MACROD2: variants seen among roughly 807,000 people sequenced by gnomAD.
MACROD2 encodes the protein mono-ADP ribosylhydrolase 2.
Under a neutral mutation model 70.4 loss-of-function variants are expected in MACROD2, and 36 were observed. The ratio of observed to expected loss-of-function variants is 0.51; its 90% CI spans 0.39 to 0.68. MACROD2 has a LOEUF of 0.68. Ranked by LOEUF, MACROD2 falls within the 30% of genes least tolerant of loss-of-function variation. MACROD2 has a pLI of 0.00. For missense variants in MACROD2, 496 were observed against 538.4 expected (o/e 0.92, Z 0.78); for synonymous variants, 172 against 178.8 (o/e 0.96, Z 0.30).
At chr20:14,694,031 C>T (rs2071092242) in intron 5 of MACROD2, among the ~76,000 whole-genome samples, 1 of 152,150 alleles carries the variant, frequency 6.6e-6, no homozygotes, top group African/African-American at 2.4e-5. Flanking sequence ...CAGCAGGCCC[C>T]TTGTCCTCTA....
In MACROD2 at chr20:15,260,506, A is replaced by G. The variant is rs2077239834; in HGVS notation, c.540+30445A>G. On this transcript the variant is annotated intron_variant, in intron 6 of 17. Transcript: ENST00000684519. ...TAATAGTATTCTGTTGTGTGTATGT[A>G]CCATTTTTCTTTATTCAACTGTTAA... Among the ~76,000 whole-genome samples the G allele has an allele frequency of 2.6e-5, 4 of 152,034 alleles. No individual in the cohort carries two copies. The South Asian group carries it at 8.3e-4, about 32-fold the overall frequency.
At chr20:15,040,132 G>T (rs184957338) in intron 5 of MACROD2, among the ~76,000 whole-genome samples, 1 of 151,926 alleles carries the variant, frequency 6.6e-6, no homozygotes, top group East Asian at 1.9e-4. Context: ...TGGCTAACAC[G>T]GTGACACCCT....
intron 3 of MACROD2, among the ~76,000 whole-genome samples, chr20:14,105,960 A>G (rs1393597707): frequency 6.6e-6 from 1 of 152,168 alleles, no homozygotes; most frequent in Admixed American, 6.5e-5. Context: ...GCCCTGAATA[A>G]CCAACAGTGA....
intron 8 of MACROD2, among the ~76,000 whole-genome samples, chr20:15,838,990 A>G (rs549680957): frequency 1.2e-4 from 18 of 152,130 alleles, no homozygotes; most frequent in Non-Finnish European, 2.5e-4. Flanking sequence ...GTGCTTATAT[A>G]TGGATATGAC....
chr20:15,534,833 C>T (rs181586021), intron 8 of MACROD2, among the ~76,000 whole-genome samples: 1 of 152,258 alleles, frequency 6.6e-6, no homozygotes, highest in African/African-American at 2.4e-5. Flanking sequence ...CTTTAAGCAT[C>T]TTGCCAACTC....
chr20:15,505,230 A>G (rs971911596), intron 8 of MACROD2, among the ~76,000 whole-genome samples: 1 of 152,196 alleles, frequency 6.6e-6, no homozygotes, highest in African/African-American at 2.4e-5. Context: ...ACCCCAAGGG[A>G]GCAAGCATCC....
intron 6 of MACROD2, among the ~76,000 whole-genome samples, chr20:15,384,464 A>G (rs893080513): frequency 6.6e-6 from 1 of 152,080 alleles, no homozygotes; most frequent in Admixed American, 6.6e-5. Context: ...GGGTCTCACC[A>G]TGTTGCCCAG....
chr20:14,442,325 A>G (rs2084133178), intron 3 of MACROD2, among the ~76,000 whole-genome samples: 1 of 152,068 alleles, frequency 6.6e-6, no homozygotes, highest in Non-Finnish European at 1.5e-5. Flanking sequence ...AATTGGAAAT[A>G]TATATACATT....
At chr20:15,990,752 C>T (rs1172883010) in intron 15 of MACROD2, among the ~76,000 whole-genome samples, 1 of 152,156 alleles carries the variant, frequency 6.6e-6, no homozygotes, top group African/African-American at 2.4e-5. Context: ...GACCTTGAGA[C>T]ATAGTGTACA....
At chr20:14,049,186 AAAAC>A (rs1223877656) in intron 2 of MACROD2, among the ~76,000 whole-genome samples, 5 of 150,892 alleles carry the variant, frequency 3.3e-5, no homozygotes, top group African/African-American at 4.9e-5. Flanking sequence ...AAAAAAAAAA[AAAAC>A]AAAAAAACAA....
chr20:16,049,959 T>TG lies in MACROD2; in HGVS notation c.*89dup, dbSNP rs2067437582. On this transcript the variant is annotated 3_prime_UTR_variant, in exon 18 of 18. Transcript: ENST00000684519. The stretch of plus-strand genomic sequence containing the variant: ...CACACGCTGTGGAGGAGGGTGGGGG[T>TG]GGGGGGAAGGCAAGTCCCATGGAAG... 1.6e-5 allele frequency: 1 copy of TG among 61,086 alleles called. No homozygotes were observed. The highest frequency in any genetic ancestry group is 4.3e-5 in the Non-Finnish European group (1 of 23,056). 3.8% of individuals were successfully genotyped at this position (61,086 alleles called of 1,614,324 possible). A position where few individuals can be genotyped will look rare whatever the true frequency, so the allele number is the denominator to read the frequency against.
intron 3 of MACROD2, among the ~76,000 whole-genome samples, chr20:14,363,748 C>T (rs945979450): frequency 3.8e-5 from 5 of 133,002 alleles, no homozygotes; most frequent in Non-Finnish European, 7.7e-5. Flanking sequence ...ACCCGGGAGG[C>T]GGAGCTTGCA....
intron 11 of MACROD2, among the ~76,000 whole-genome samples, chr20:15,935,881 C>T (rs891396671): frequency 4.6e-5 from 7 of 151,976 alleles, no homozygotes; most frequent in Non-Finnish European, 1.0e-4. Context: ...GAAGGAATGC[C>T]CAGAAGGCAA....
At chr20:14,127,842 G>T in intron 3 of MACROD2, 1 of 469,346 alleles carries the variant, frequency 2.1e-6, no homozygotes. Flanking sequence ...ATCAATAGCA[G>T]GAAGCACCAA....
chr20:15,648,243 A>G (rs2049583877), intron 8 of MACROD2, among the ~76,000 whole-genome samples: 1 of 152,218 alleles, frequency 6.6e-6, no homozygotes, highest in African/African-American at 2.4e-5. Flanking sequence ...TAGGTGGTTA[A>G]CTTAATAGGG....
At position 14,345,955 on chromosome 20, in the gene MACROD2, G is replaced by A. The variant is rs527767411; in HGVS notation, c.272-147524G>A. Among the ~76,000 whole-genome samples the A allele has an allele frequency of 3.3e-3, 494 of 151,562 alleles. 2 individuals are homozygous for A. The highest frequency in any genetic ancestry group is 0.011 in the African/African-American group (452 of 41,332). On this transcript the variant is annotated intron_variant, in intron 3 of 17. Transcript: ENST00000684519. ...AAAAATACAAAAAAGTTAGCTGGGC[G>A]TGGTGGTGGGCACCTGTAGTCCCAG...
At chr20:15,251,727 G>A (rs115151973) in intron 6 of MACROD2, among the ~76,000 whole-genome samples, 14 of 152,044 alleles carry the variant, frequency 9.2e-5, no homozygotes, top group African/African-American at 3.4e-4. Context: ...ACAGTGAATC[G>A]GTGCTAAGTT....
intron 5 of MACROD2, among the ~76,000 whole-genome samples, chr20:14,779,784 T>C (rs752011241): frequency 1.3e-5 from 2 of 152,162 alleles, no homozygotes; most frequent in Non-Finnish European, 2.9e-5. Flanking sequence ...TCCAGACCTT[T>C]TATTTTAAAA....
chr20:15,247,312 C>T (rs2077114810), intron 6 of MACROD2, among the ~76,000 whole-genome samples: 1 of 152,054 alleles, frequency 6.6e-6, no homozygotes. Flanking sequence ...GAATCCATGC[C>T]ATTGCATGGT....
Sources: allele counts gnomAD v4.1 joint callset (sites outside exome capture counted in the v4.1 genomes callset), GRCh38; gene constraint gnomAD v4.1.1; transcripts MANE v1.5; gene names NCBI Gene and HGNC (gene_info 2026-07-23, HGNC 2026-07-21).